Variants in SRBD1 observed in about 807,000 individuals in gnomAD.
The protein encoded by SRBD1 is S1 RNA-binding domain-containing protein 1.
Under a neutral mutation model 115.3 loss-of-function variants are expected in SRBD1, and 88 were observed. The observed-to-expected ratio is 0.76, with a 90% CI of 0.64 to 0.91. The LOEUF (loss-of-function observed/expected upper bound fraction) is 0.91. Ranked by LOEUF, SRBD1 falls within the 40% of genes least tolerant of loss-of-function variation. The pLI, the probability that SRBD1 is intolerant of heterozygous loss-of-function variation, is 0.00. For synonymous variants in SRBD1, 509 were observed against 407.7 expected, an observed-to-expected ratio of 1.25 and a Z score of -2.99; for missense variants, 1,385 against 1,177.4, an observed-to-expected ratio of 1.18 and a Z score of -2.58.
Position 45,502,164 on chromosome 2 carries a change from T to C in SRBD1, c.1875-13833A>G, listed in dbSNP as rs1489834494. Among the ~76,000 whole-genome samples the C allele has an allele frequency of 2.6e-5, 4 of 152,182 alleles. No individual in the cohort carries two copies. In the East Asian group the frequency reaches 7.7e-4, roughly 29 times the overall value. On this transcript the variant is annotated intron_variant, in intron 14 of 20. Coordinates refer to ENST00000263736, the MANE Select transcript of SRBD1 (RefSeq NM_018079.5). ...GCTGTTCTGCAGCCTCTGCTGCTGATACCCAGGCAAACAGGGTCTGGAGTG... is the reference window on the plus strand; with the variant it reads ...GCTGTTCTGCAGCCTCTGCTGCTGACACCCAGGCAAACAGGGTCTGGAGTG...
intron 14 of SRBD1, among the ~76,000 whole-genome samples, chr2:45,506,367 C>T (rs1371669624): frequency 6.6e-6 from 1 of 152,148 alleles, no homozygotes; most frequent in Admixed American, 6.5e-5. Flanking sequence ...CAAGCAGGAG[C>T]CAGGACTTTA....
chr2:45,594,169 C>CACA (rs1673816953), intron 4 of SRBD1, among the ~76,000 whole-genome samples: 2 of 152,162 alleles, frequency 1.3e-5, no homozygotes, highest in African/African-American at 4.8e-5. Flanking sequence ...CACTGAGATA[C>CACA]ACAACTCAGA....
At chr2:45,607,686 G>A (rs986588226) in intron 1 of SRBD1, among the ~76,000 whole-genome samples, 1 of 152,116 alleles carries the variant, frequency 6.6e-6, no homozygotes, top group Non-Finnish European at 1.5e-5. Context: ...GGTGAAACGG[G>A]TTAGGGCTGT....
At chr2:45,433,613 T>G (rs564690448) in intron 16 of SRBD1, among the ~76,000 whole-genome samples, 13 of 152,208 alleles carry the variant, frequency 8.5e-5, no homozygotes, top group African/African-American at 2.9e-4. Flanking sequence ...TGGGAAACAT[T>G]TGAGAAAACA....
chr2:45,493,673 G>A (rs1485778376), intron 14 of SRBD1, among the ~76,000 whole-genome samples: 1 of 151,904 alleles, frequency 6.6e-6, no homozygotes, highest in Admixed American at 6.6e-5. Flanking sequence ...AATCAGCCAA[G>A]CGTGGTGGTA....
intron 19 of SRBD1, among the ~76,000 whole-genome samples, chr2:45,404,657 C>T (rs1207313205): frequency 6.6e-6 from 1 of 152,102 alleles, no homozygotes; most frequent in East Asian, 1.9e-4. Context: ...TGGATTACAG[C>T]AATTAGTTTA....
intron 16 of SRBD1, among the ~76,000 whole-genome samples, chr2:45,421,510 C>CAAAAAAAAAAAA (rs869298079): frequency 1.3e-4 from 3 of 22,300 alleles, no homozygotes; most frequent in Non-Finnish European, 2.2e-4. Context: ...CCGTCTCAAA[C>CAAAAAAAAAAAA]AAAAAAAAAA....
chr2:45,419,900 A>G lies in SRBD1; in HGVS notation c.2050-6T>C, dbSNP rs1388914460. 4 of 1,610,572 alleles carry G rather than the reference A, an allele frequency of 2.5e-6. No individual in the cohort carries two copies. In the South Asian group the frequency reaches 4.4e-5, roughly 18 times the overall value. ...AAAGTCTGGGATACGTCATGCTGAA[A>G]AGACAAAGATCAAATATTAACAGTG... On this transcript the variant is annotated splice_region_variant and splice_polypyrimidine_tract_variant and intron_variant, in intron 16 of 20. Transcript: ENST00000263736.
intron 16 of SRBD1, among the ~76,000 whole-genome samples, chr2:45,465,787 G>A (rs1043735002): frequency 6.6e-6 from 1 of 152,086 alleles, no homozygotes. Context: ...CAAAACACCT[G>A]GATCTAAGAA....
At chr2:45,577,595 C>T (rs1404894973) in intron 7 of SRBD1, among the ~76,000 whole-genome samples, 1 of 152,018 alleles carries the variant, frequency 6.6e-6, no homozygotes, top group Admixed American at 6.6e-5. Flanking sequence ...CACAGTATAG[C>T]TTTATGATTC....
intron 16 of SRBD1, among the ~76,000 whole-genome samples, chr2:45,440,957 G>C (rs140987209): frequency 1.4e-3 from 210 of 152,226 alleles, no homozygotes; most frequent in African/African-American, 4.8e-3. Flanking sequence ...AATAAAAAAA[G>C]GCTTTTCTTC....
chr2:45,416,799 G>C (rs1441104825), intron 18 of SRBD1, among the ~76,000 whole-genome samples: 2 of 152,184 alleles, frequency 1.3e-5, no homozygotes, highest in African/African-American at 4.8e-5. Flanking sequence ...TTTTGAGACA[G>C]ATAGGATCTT....
intron 3 of SRBD1, 34 bp from the exon 4 acceptor site, chr2:45,599,869 G>A (rs1558505480): frequency 6.4e-7 from 1 of 1,562,100 alleles, no homozygotes; most frequent in Non-Finnish European, 8.6e-7. Flanking sequence ...ATGAGAATTA[G>A]AAGATAAAAA....
intron 2 of SRBD1, among the ~76,000 whole-genome samples, chr2:45,603,903 C>T (rs370484409): frequency 1.3e-4 from 20 of 152,216 alleles, no homozygotes; most frequent in African/African-American, 4.8e-4. Context: ...TATCCACTTT[C>T]ACCTGAATGT....
chr2:45,486,637 G>A (rs1405913545), intron 15 of SRBD1, among the ~76,000 whole-genome samples: 3 of 151,994 alleles, frequency 2.0e-5, no homozygotes, highest in Admixed American at 6.5e-5. Context: ...GGATGCTGAG[G>A]CAAGAGAATG....
chr2:45,608,110 A>G (rs1674328816), intron 1 of SRBD1, among the ~76,000 whole-genome samples: 1 of 152,208 alleles, frequency 6.6e-6, no homozygotes, highest in South Asian at 2.1e-4. Flanking sequence ...GCCTTAACAG[A>G]AATGTGTTTA....
At chr2:45,531,162 C>T (rs919135124) in intron 14 of SRBD1, among the ~76,000 whole-genome samples, 3 of 151,780 alleles carry the variant, frequency 2.0e-5, no homozygotes, top group Admixed American at 1.3e-4. Context: ...CACTACCAAA[C>T]GCCTCTGTGT....
chr2:45,461,339 CTT>C (rs1558410492), intron 16 of SRBD1, among the ~76,000 whole-genome samples: 2 of 152,246 alleles, frequency 1.3e-5, no homozygotes, highest in East Asian at 3.9e-4. Context: ...ATGGTTGGTA[CTT>C]GGCACATCTG....
At chr2:45,604,493 T>C (rs1276215845) in intron 2 of SRBD1, among the ~76,000 whole-genome samples, 1 of 152,094 alleles carries the variant, frequency 6.6e-6, no homozygotes, top group African/African-American at 2.4e-5. Flanking sequence ...TCTAAGCCTA[T>C]TAGATCCAGA....
Sources: allele counts gnomAD v4.1 joint callset (sites outside exome capture counted in the v4.1 genomes callset), GRCh38; gene constraint gnomAD v4.1.1; transcripts MANE v1.5; gene names NCBI Gene and HGNC (gene_info 2026-07-23, HGNC 2026-07-21).